STAM2: variants seen among roughly 807,000 people sequenced by gnomAD.
STAM2 encodes signal transducing adapter molecule 2.
In STAM2, 51 loss-of-function variants were observed where a neutral mutation model predicts 65.6. The observed-to-expected ratio is 0.78, with a 90% confidence interval of 0.62 to 0.98. STAM2 has a LOEUF of 0.98. STAM2 is among the 50% of genes least tolerant of loss of function. STAM2 has a pLI of 0.00. For synonymous variants in STAM2, 198 were observed against 208.4 expected (o/e 0.95, Z 0.43); for missense variants, 584 against 617.8 (o/e 0.95, Z 0.58).
intron 7 of STAM2, among the ~76,000 whole-genome samples, chr2:152,141,368 T>C (rs1270547918): frequency 1.3e-5 from 2 of 151,024 alleles, no homozygotes; most frequent in Non-Finnish European, 3.0e-5. Context: ...AAACCCTCTC[T>C]ACTAAAAATA....
intron 1 of STAM2, among the ~76,000 whole-genome samples, chr2:152,163,271 TTCTTA>T (rs1689718161): frequency 6.6e-6 from 1 of 152,244 alleles, no homozygotes; most frequent in Admixed American, 6.5e-5. Context: ...CTTTTATCAT[TTCTTA>T]TGACTGTCTT....
intron 1 of STAM2, among the ~76,000 whole-genome samples, chr2:152,159,982 C>T (rs776446294): frequency 2.4e-4 from 37 of 152,364 alleles, no homozygotes; most frequent in Admixed American, 9.8e-4. Flanking sequence ...CTGCCAGCCT[C>T]GGCCTCCCGA....
intron 8 of STAM2, 137 bp from the exon 9 acceptor site, chr2:152,133,621 T>A: frequency 1.6e-6 from 1 of 636,366 alleles, no homozygotes; most frequent in African/African-American, 1.8e-5. Context: ...TTATAATCAA[T>A]ATTACATACG....
At position 152,119,559 on chromosome 2, in the gene STAM2, C is replaced by T. The variant is rs1688811394; in HGVS notation, c.*1015G>A. 1 of 152,144 alleles carries T rather than the reference C, an allele frequency of 6.6e-6. No homozygotes were observed. The highest frequency in any genetic ancestry group is 2.1e-4 in the South Asian group (1 of 4,830). 9.4% of individuals were successfully genotyped at this position (152,144 alleles called of 1,614,324 possible). A position where few individuals can be genotyped will look rare whatever the true frequency, so the allele number is the denominator to read the frequency against. On this transcript the variant is annotated 3_prime_UTR_variant, in exon 14 of 14. Transcript: ENST00000263904. ...CATCCATGCTTGGTATATCTCACAA[C>T]AAATTATTAGGAATGTCTCATGGTT...
intron 1 of STAM2, among the ~76,000 whole-genome samples, chr2:152,166,482 C>G (rs1000148343): frequency 1.3e-5 from 2 of 152,130 alleles, no homozygotes; most frequent in Non-Finnish European, 2.9e-5. Context: ...ACCCTACATA[C>G]ATATATACAC....
chr2:152,156,144 G>A (rs143053938), intron 1 of STAM2, among the ~76,000 whole-genome samples: 16 of 152,078 alleles, frequency 1.1e-4, no homozygotes, highest in African/African-American at 2.7e-4. Context: ...TTCTAAAGCC[G>A]CCCAACAATT....
chr2:152,148,355 C>G, intron 2 of STAM2, 55 bp from the exon 3 acceptor site: 2 of 1,365,160 alleles, frequency 1.5e-6, no homozygotes, highest in South Asian at 2.5e-5. Flanking sequence ...AAATTTAATT[C>G]AAACATTAAG....
intron 1 of STAM2, 68 bp from the exon 2 acceptor site, chr2:152,150,297 G>T (rs1475243462): frequency 3.0e-6 from 3 of 1,008,752 alleles, no homozygotes; most frequent in Non-Finnish European, 4.5e-6. Context: ...ACCAGTAAAG[G>T]TCCAACAGTT....
intron 11 of STAM2, among the ~76,000 whole-genome samples, chr2:152,128,276 G>A (rs1427217239): frequency 3.3e-5 from 5 of 152,086 alleles, no homozygotes; most frequent in South Asian, 2.1e-4. Context: ...GTGTGGTGGC[G>A]GGCACCTGTA....
chr2:152,158,202 C>T (rs12693271), intron 1 of STAM2, among the ~76,000 whole-genome samples: 34,893 of 152,044 alleles, frequency 0.23, 4,106 homozygotes, highest in Admixed American at 0.31. Flanking sequence ...ATGGGCTGGG[C>T]GTGGTGGCTT....
At chr2:152,132,726 G>A (rs1689086841) in intron 10 of STAM2, among the ~76,000 whole-genome samples, 1 of 151,984 alleles carries the variant, frequency 6.6e-6, no homozygotes, top group Non-Finnish European at 1.5e-5. Flanking sequence ...TAAAAAACAC[G>A]TTTTAATTGT....
intron 3 of STAM2, 46 bp from the exon 4 acceptor site, chr2:152,148,168 C>G: frequency 6.3e-7 from 1 of 1,590,558 alleles, no homozygotes; most frequent in African/African-American, 1.4e-5. Flanking sequence ...TATTAACTTA[C>G]TGTAATTAAA....
Position 152,135,614 on chromosome 2 carries a change from AGTGC to A in STAM2, c.705-15_705-12del. On this transcript the variant is annotated splice_polypyrimidine_tract_variant and intron_variant, in intron 7 of 13. Transcript: ENST00000263904. Reference sequence around the variant, plus strand: ...CACCAATTGGCATCACTAAAAATACAGTGCAAAAAATATCATTTGTTCCCCACAT... The same window carrying A: ...CACCAATTGGCATCACTAAAAATACAAAAAAATATCATTTGTTCCCCACAT... 3 of 1,554,102 alleles carry A rather than the reference AGTGC, an allele frequency of 1.9e-6. No individual in the cohort carries two copies. Among genetic ancestry groups the A allele is most frequent in the African/African-American group, 2.7e-5 (2 of 73,294 alleles).
chr2:152,148,328 G>T, intron 2 of STAM2, 28 bp from the exon 3 acceptor site: 1 of 1,511,978 alleles, frequency 6.6e-7, no homozygotes, highest in Non-Finnish European at 9.1e-7. Context: ...GAGAGAGACA[G>T]TTAAGTATTT....
chr2:152,157,873 T>C (rs1198350936), intron 1 of STAM2, among the ~76,000 whole-genome samples: 1 of 152,056 alleles, frequency 6.6e-6, no homozygotes, highest in Admixed American at 6.5e-5. Flanking sequence ...CCCAATAATA[T>C]TACAACCTGA....
At chr2:152,120,853 GGTTAGAGATCAATCATCATGACAAAAAT>G (rs747607892) in intron 13 of STAM2, 51 bp from the exon 14 acceptor site, 6 of 1,413,102 alleles carry the variant, frequency 4.2e-6, no homozygotes, top group Non-Finnish European at 5.0e-6. Context: ...CAATATATAA[GGTTAGAGATCAATCATCATGACAAAAAT>G]GCCTTTTCCA....
At chr2:152,165,483 G>C (rs1263667044) in intron 1 of STAM2, among the ~76,000 whole-genome samples, 4 of 151,864 alleles carry the variant, frequency 2.6e-5, no homozygotes, top group African/African-American at 9.7e-5. Context: ...GTTACAGATA[G>C]AGAATCAAAA....
At chr2:152,135,162 C>T (rs896287372) in intron 8 of STAM2, among the ~76,000 whole-genome samples, 23 of 152,218 alleles carry the variant, frequency 1.5e-4, no homozygotes, top group Non-Finnish European at 4.4e-5. Flanking sequence ...CTGTGGTTCA[C>T]TGATGAATCA....
intron 1 of STAM2, among the ~76,000 whole-genome samples, chr2:152,174,894 T>C: frequency 6.6e-6 from 1 of 152,216 alleles, no homozygotes; most frequent in East Asian, 1.9e-4. Context: ...CTTATCCATG[T>C]TTTTCTCATT....
Sources: gnomAD v4.1 joint callset for allele counts (sites outside exome capture counted in the v4.1 genomes callset) on GRCh38, gnomAD v4.1.1 for gene constraint, MANE v1.5 for transcripts, NCBI Gene and HGNC (gene_info 2026-07-23, HGNC 2026-07-21) for gene names.